CDKAL1: variants seen among roughly 807,000 people sequenced by gnomAD.
CDKAL1 encodes the protein threonylcarbamoyladenosine tRNA methylthiotransferase.
A neutral mutation model predicts 68.2 loss-of-function variants in CDKAL1; 32 were observed. The observed-to-expected ratio is 0.47, with a 90% CI of 0.35 to 0.63. The LOEUF is 0.63. Among genes scored for constraint, CDKAL1 ranks in the 30% least tolerant of loss-of-function variants. CDKAL1 has a pLI of 0.00. For synonymous variants in CDKAL1, 234 were observed against 244.3 expected (o/e 0.96, Z 0.39); for missense variants, 606 against 696.7 (o/e 0.87, Z 1.47).
At chr6:20,815,810 A>C (rs555836587) in intron 8 of CDKAL1, among the ~76,000 whole-genome samples, 2 of 152,250 alleles carry the variant, frequency 1.3e-5, no homozygotes, top group South Asian at 4.1e-4. Context: ...ATTGCATGTT[A>C]ATTTTAACAC....
At chr6:21,016,470 G>GT (rs1291347961) in intron 11 of CDKAL1, among the ~76,000 whole-genome samples, 3 of 151,890 alleles carry the variant, frequency 2.0e-5, no homozygotes, top group African/African-American at 7.3e-5. Context: ...CTGTTTTATT[G>GT]TATCTGCTCT....
At chr6:20,946,807 G>T (rs756446622) in intron 9 of CDKAL1, among the ~76,000 whole-genome samples, 18 of 151,954 alleles carry the variant, frequency 1.2e-4, no homozygotes, top group Non-Finnish European at 2.2e-4. Flanking sequence ...ATGTTGGTCA[G>T]GCTGGTCTCC....
intron 6 of CDKAL1, chr6:20,756,868 CTTCCTT>C (rs1774210411): frequency 1.8e-5 from 1 of 55,246 alleles, no homozygotes; most frequent in South Asian, 9.1e-4. Flanking sequence ...TCCTTCCTTC[CTTCCTT>C]CCTTCCTTCC....
chr6:21,186,462 T>C (rs1431296421), intron 13 of CDKAL1, among the ~76,000 whole-genome samples: 1 of 152,224 alleles, frequency 6.6e-6, no homozygotes, highest in Non-Finnish European at 1.5e-5. Flanking sequence ...CACTGTTTTT[T>C]ATATGGTTGC....
chr6:21,022,789 G>A (rs1332910541), intron 11 of CDKAL1, among the ~76,000 whole-genome samples: 1 of 152,136 alleles, frequency 6.6e-6, no homozygotes, highest in Non-Finnish European at 1.5e-5. Flanking sequence ...AATATAGTAT[G>A]TGCTTTGTGT....
intron 9 of CDKAL1, among the ~76,000 whole-genome samples, chr6:20,941,301 ACTC>A (rs1763963251): frequency 6.6e-6 from 1 of 151,996 alleles, no homozygotes; most frequent in Non-Finnish European, 1.5e-5. Context: ...GGTTGGTACT[ACTC>A]ATATCATAAT....
At chr6:21,082,879 T>TG (rs1002932772) in intron 12 of CDKAL1, among the ~76,000 whole-genome samples, 4 of 150,226 alleles carry the variant, frequency 2.7e-5, no homozygotes, top group South Asian at 2.1e-4. Flanking sequence ...CTTTTGTTTT[T>TG]TTTTTTTTTT....
chr6:20,620,186 GAGAAA>G (rs1372994240), intron 4 of CDKAL1, among the ~76,000 whole-genome samples: 1 of 152,162 alleles, frequency 6.6e-6, no homozygotes, highest in African/African-American at 2.4e-5. Flanking sequence ...GCTTATACTG[GAGAAA>G]AGAAAAGTCA....
At chr6:20,889,577 GC>G (rs1463267011) in intron 9 of CDKAL1, among the ~76,000 whole-genome samples, 2 of 152,154 alleles carry the variant, frequency 1.3e-5, no homozygotes, top group Non-Finnish European at 2.9e-5. Context: ...TCCAGTTTCA[GC>G]TTTCTACATA....
intron 7 of CDKAL1, among the ~76,000 whole-genome samples, chr6:20,770,942 G>A (rs1404485755): frequency 6.6e-6 from 1 of 152,076 alleles, no homozygotes; most frequent in Non-Finnish European, 1.5e-5. Context: ...TGGGAGAGTT[G>A]ACCACTCCCT....
intron 13 of CDKAL1, among the ~76,000 whole-genome samples, chr6:21,150,804 G>C (rs1280238087): frequency 1.3e-5 from 2 of 152,148 alleles, no homozygotes; most frequent in South Asian, 4.1e-4. Flanking sequence ...ACTGAAATCA[G>C]AGTAATGAAA....
chr6:21,071,389 G>A (rs1378838104), intron 12 of CDKAL1, among the ~76,000 whole-genome samples: 2 of 152,082 alleles, frequency 1.3e-5, no homozygotes, highest in African/African-American at 4.8e-5. Flanking sequence ...CCCTTCCACC[G>A]TGATTGTAAA....
intron 4 of CDKAL1, among the ~76,000 whole-genome samples, chr6:20,593,609 A>C (rs921126997): frequency 7.8e-6 from 1 of 127,514 alleles, no homozygotes; most frequent in African/African-American, 3.0e-5. Flanking sequence ...AATCTTTAAA[A>C]AAAAAAAAAG....
At chr6:21,221,028 G>A (rs1049953635) in intron 15 of CDKAL1, among the ~76,000 whole-genome samples, 27 of 151,934 alleles carry the variant, frequency 1.8e-4, no homozygotes, top group African/African-American at 5.6e-4. Flanking sequence ...TTAGCTGGGC[G>A]TGGTGGCACA....
intron 6 of CDKAL1, among the ~76,000 whole-genome samples, chr6:20,750,634 A>T (rs965967008): frequency 1.3e-5 from 2 of 152,044 alleles, no homozygotes; most frequent in Non-Finnish European, 2.9e-5. Flanking sequence ...ATCTATCTTG[A>T]TATCCTTGTG....
intron 2 of CDKAL1, among the ~76,000 whole-genome samples, chr6:20,545,540 G>A (rs991052072): frequency 1.3e-5 from 2 of 152,026 alleles, no homozygotes; most frequent in African/African-American, 4.8e-5. Context: ...GGGTTCCAGC[G>A]ATTCTCCTTC....
intron 13 of CDKAL1, among the ~76,000 whole-genome samples, chr6:21,134,199 C>T (rs1477263401): frequency 2.6e-5 from 4 of 152,166 alleles, no homozygotes; most frequent in African/African-American, 4.8e-5. Context: ...ACAAAGTTTG[C>T]TCCAGATTTA....
chr6:21,146,151 A>G (rs1776158067), intron 13 of CDKAL1, among the ~76,000 whole-genome samples: 1 of 152,190 alleles, frequency 6.6e-6, no homozygotes, highest in Non-Finnish European at 1.5e-5. Flanking sequence ...CCAGTAAAAT[A>G]AAACATCGTC....
intron 15 of CDKAL1, among the ~76,000 whole-genome samples, chr6:21,221,296 A>G (rs940117305): frequency 3.3e-5 from 5 of 152,008 alleles, no homozygotes; most frequent in Non-Finnish European, 7.4e-5. Context: ...TGGTGCCATC[A>G]CAGCTCACTG....
Sources: allele counts gnomAD v4.1 joint callset (sites outside exome capture counted in the v4.1 genomes callset), GRCh38; gene constraint gnomAD v4.1.1; transcripts MANE v1.5; gene names NCBI Gene and HGNC (gene_info 2026-07-23, HGNC 2026-07-21).